RIMS3: variants seen among roughly 807,000 people sequenced by gnomAD.
The protein encoded by RIMS3 is regulating synaptic membrane exocytosis protein 3.
Under a neutral mutation model 29.2 loss-of-function variants are expected in RIMS3, and 15 were observed. That is an observed-to-expected ratio of 0.51 (90% confidence interval 0.34 to 0.79). RIMS3 has a LOEUF of 0.79. Ranked by LOEUF, RIMS3 falls within the 30% of genes least tolerant of loss-of-function variation. The pLI, the probability that RIMS3 is intolerant of heterozygous loss-of-function variation, is 0.01. For synonymous variants in RIMS3, 161 were observed against 170.1 expected, an observed-to-expected ratio of 0.95 and a Z score of 0.41; for missense variants, 342 against 421.4, an observed-to-expected ratio of 0.81 and a Z score of 1.65.
upstream of RIMS3, among the ~76,000 whole-genome samples, chr1:40,669,846 C>T (rs617413): frequency 0.78 from 118,859 of 152,194 alleles, 46,975 homozygotes; most frequent in African/African-American, 0.88. Context: ...AACCTGCCTC[C>T]TTTGCAGATG....
At chr1:40,634,775 C>G (rs1178515125) in intron 4 of RIMS3, among the ~76,000 whole-genome samples, 2 of 152,032 alleles carry the variant, frequency 1.3e-5, no homozygotes, top group African/African-American at 2.4e-5. Context: ...AACCCCATCT[C>G]TACTAAAAAT....
the RIMS3 span, among the ~76,000 whole-genome samples, chr1:40,685,276 ATAATT>A: frequency 1.1e-4 from 12 of 113,782 alleles, no homozygotes; most frequent in African/African-American, 4.4e-4. Context: ...TATGAAAAAC[ATAATT>A]TATTAATATA....
chr1:40,655,155 G>A (rs974073897), intron 1 of RIMS3, among the ~76,000 whole-genome samples: 4 of 152,154 alleles, frequency 2.6e-5, no homozygotes, highest in Non-Finnish European at 5.9e-5. Context: ...GACAAAGCGG[G>A]GAGTAGGGGA....
At chr1:40,684,829 A>G in the RIMS3 span, among the ~76,000 whole-genome samples, 1 of 152,320 alleles carries the variant, frequency 6.6e-6, no homozygotes, top group East Asian at 1.9e-4. Context: ...GTGGGTAGCT[A>G]AATCCTCTGT....
At position 40,626,418 on chromosome 1, in the gene RIMS3, C is replaced by A; in HGVS notation, c.*99G>T. 3 of 1,134,828 alleles carry A rather than the reference C, an allele frequency of 2.6e-6. No individual in the cohort carries two copies. The highest frequency in any genetic ancestry group is 3.9e-6 in the Non-Finnish European group (3 of 775,414). The allele number at this position is 1,134,828 out of a possible 1,614,324, so 70.3% of individuals were successfully genotyped here. A position where few individuals can be genotyped will look rare whatever the true frequency, so the allele number is the denominator to read the frequency against. Reference sequence around the variant, plus strand: ...AGTAGCCAACAGGCATGCAGCAGGACAAGGGGTCCAGAAAGACACGAAGAC... The same window carrying A: ...AGTAGCCAACAGGCATGCAGCAGGAAAAGGGGTCCAGAAAGACACGAAGAC... On this transcript the variant is annotated 3_prime_UTR_variant, in exon 8 of 8. Coordinates refer to ENST00000372684, the MANE Select transcript of RIMS3 (RefSeq NM_014747.3).
At position 40,635,651 on chromosome 1, in the gene RIMS3, G is replaced by A. The variant is rs997930671; in HGVS notation, c.359+265C>T. Among the ~76,000 whole-genome samples, 1 of 152,336 alleles carries A rather than the reference G, an allele frequency of 6.6e-6. No homozygotes were observed. The highest frequency in any genetic ancestry group is 1.5e-5 in the Non-Finnish European group (1 of 68,028). On this transcript the variant is annotated intron_variant, in intron 4 of 7. Coordinates refer to ENST00000372684, the MANE Select transcript of RIMS3 (RefSeq NM_014747.3). The surrounding 1 kb of genome is among the most constrained non-coding windows in gnomAD (Gnocchi z 4.1). ...GCAGTGTGTGCGTGGTGGGAGGTGG[G>A]AGGTGGGAGGTAAGGGTCCCTTCCT... is the stretch of plus-strand genomic sequence containing the variant.
chr1:40,641,406 A>G (rs754969954), intron 3 of RIMS3, among the ~76,000 whole-genome samples: 2 of 152,220 alleles, frequency 1.3e-5, no homozygotes, highest in Non-Finnish European at 2.9e-5. Context: ...TGTAAAGGTT[A>G]AGAGCATCAG....
chr1:40,634,281 T>C (rs1646506761), intron 4 of RIMS3, among the ~76,000 whole-genome samples: 1 of 152,054 alleles, frequency 6.6e-6, no homozygotes. Context: ...TGTATGCTTG[T>C]CAGAGAGAGC....
At chr1:40,657,746 CAAAAAAAAAAA>C (rs34448324) in intron 1 of RIMS3, among the ~76,000 whole-genome samples, 2 of 88,126 alleles carry the variant, frequency 2.3e-5, no homozygotes, top group African/African-American at 8.8e-5. Flanking sequence ...GACAATGTCT[CAAAAAAAAAAA>C]AAAAAAAAAA....
At chr1:40,681,244 AAC>A in the RIMS3 span, among the ~76,000 whole-genome samples, 1 of 152,216 alleles carries the variant, frequency 6.6e-6, no homozygotes, top group Admixed American at 6.5e-5. Flanking sequence ...CAGGAAGCTG[AAC>A]AGGGGTGTAG....
intron 4 of RIMS3, 101 bp from the exon 5 acceptor site, chr1:40,633,282 C>A: frequency 1.2e-6 from 1 of 829,438 alleles, no homozygotes; most frequent in Non-Finnish European, 2.0e-6. Flanking sequence ...GCCCTGGGCA[C>A]GTCCCTCTGT....
chr1:40,652,986 A>G (rs1455258334), intron 1 of RIMS3, among the ~76,000 whole-genome samples: 2 of 152,154 alleles, frequency 1.3e-5, no homozygotes, highest in Non-Finnish European at 2.9e-5. Context: ...GGAAAAAATG[A>G]AATCCAAGGT....
chr1:40,634,430 C>A (rs1432802213), intron 4 of RIMS3, among the ~76,000 whole-genome samples: 2 of 152,154 alleles, frequency 1.3e-5, no homozygotes, highest in African/African-American at 4.8e-5. Flanking sequence ...AATAAAGAAA[C>A]TTAGACTCTC....
At chr1:40,650,516 C>T (rs1646624591) in intron 1 of RIMS3, among the ~76,000 whole-genome samples, 1 of 152,258 alleles carries the variant, frequency 6.6e-6, no homozygotes, top group South Asian at 2.1e-4. Context: ...CGTCCCATGC[C>T]TCTTGCCCCT....
At position 40,635,659 on chromosome 1, in the gene RIMS3, A is replaced by G. The variant is rs753900776; in HGVS notation, c.359+257T>C. 3.9e-5 allele frequency among the ~76,000 whole-genome samples: 6 copies of G among 151,996 alleles called. No individual in the cohort carries two copies. Among genetic ancestry groups the G allele is most frequent in the Non-Finnish European group, 8.8e-5 (6 of 67,992 alleles). On this transcript the variant is annotated intron_variant, in intron 4 of 7. Coordinates refer to ENST00000372684, the MANE Select transcript of RIMS3 (RefSeq NM_014747.3). This position sits in a 1 kb window ranked among gnomAD's most constrained non-coding sequence, Gnocchi z 4.1. ...TGCGTGGTGGGAGGTGGGAGGTGGGAGGTAAGGGTCCCTTCCTGAAACATA... is the reference window on the plus strand; with the variant it reads ...TGCGTGGTGGGAGGTGGGAGGTGGGGGGTAAGGGTCCCTTCCTGAAACATA...
intron 1 of RIMS3, among the ~76,000 whole-genome samples, chr1:40,657,335 G>C (rs1267898946): frequency 6.6e-6 from 1 of 152,156 alleles, no homozygotes; most frequent in Admixed American, 6.5e-5. Flanking sequence ...CTGCCCGTGA[G>C]ACCTTCACAA....
chr1:40,678,512 C>A, the RIMS3 span, among the ~76,000 whole-genome samples: 1 of 152,208 alleles, frequency 6.6e-6, no homozygotes, highest in Non-Finnish European at 1.5e-5. Context: ...TGTTTTGGGC[C>A]TCCTTGCCAA....
upstream of RIMS3, among the ~76,000 whole-genome samples, chr1:40,668,493 G>GGGGGGGGGGTTGTGGGC: frequency 1.1e-4 from 1 of 8,906 alleles, no homozygotes; most frequent in Non-Finnish European, 2.8e-4. Flanking sequence ...GTTGTGGGCG[G>GGGGGGGGGGTTGTGGGC]GGGGGGGGGG....
At chr1:40,661,638 G>A (rs991839441) in intron 1 of RIMS3, among the ~76,000 whole-genome samples, 55 of 152,216 alleles carry the variant, frequency 3.6e-4, no homozygotes, top group African/African-American at 1.3e-3. Context: ...GAGTAAAAAT[G>A]CCAACTGACA....
Sources: gnomAD v4.1 joint callset for allele counts (sites outside exome capture counted in the v4.1 genomes callset) on GRCh38, gnomAD v4.1.1 for gene constraint, Gnocchi (gnomAD v3.1) non-coding constraint, MANE v1.5 for transcripts, NCBI Gene and HGNC (gene_info 2026-07-23, HGNC 2026-07-21) for gene names.